GRIA3: variants seen among roughly 807,000 people sequenced by gnomAD.
The protein encoded by GRIA3 is glutamate receptor 3.
In GRIA3, 3 loss-of-function variants were observed where a neutral mutation model predicts 63.0. The ratio of observed to expected loss-of-function variants is 0.05; its 90% CI spans 0.02 to 0.12. GRIA3 has a LOEUF of 0.12. Ranked by LOEUF, GRIA3 falls within the 10% of genes least tolerant of loss-of-function variation. The pLI, the probability that GRIA3 is intolerant of heterozygous loss-of-function variation, is 1.00. For synonymous variants in GRIA3, 274 were observed against 257.9 expected (o/e 1.06, Z -0.60); for missense variants, 347 against 700.9 (o/e 0.50, Z 5.70).
intron 2 of GRIA3, among the ~76,000 whole-genome samples, chrX:123,247,152 G>A (rs1312317164): frequency 8.9e-6 from 1 of 111,925 alleles, no homozygotes; most frequent in Non-Finnish European, 1.9e-5. Context: ...TCGTCTTCCT[G>A]CTTGCTTTAA....
intron 13 of GRIA3, among the ~76,000 whole-genome samples, chrX:123,476,378 G>A (rs141298302): frequency 1.2e-4 from 13 of 111,502 alleles, no homozygotes; most frequent in African/African-American, 3.9e-4. Context: ...GTGTGTGTTG[G>A]GGAGAGGGTG....
intron 12 of GRIA3, among the ~76,000 whole-genome samples, chrX:123,430,434 G>A (rs1172340984): frequency 1.8e-5 from 2 of 111,449 alleles, no homozygotes; most frequent in Non-Finnish European, 3.8e-5. Flanking sequence ...AACTATAAAA[G>A]CAGCATAGAA....
chrX:123,222,515 T>C lies in GRIA3; in HGVS notation c.269-30788T>C, dbSNP rs184570493. On this transcript the variant is annotated intron_variant, in intron 2 of 15. Transcript: ENST00000620443. ...ATCTAATACCACCAACCAGAGGAAC[T>C]AGAAGAAAACATCTCAGCTTCACCA... is the stretch of plus-strand genomic sequence containing the variant. Among the ~76,000 whole-genome samples the C allele has an allele frequency of 2.5e-3, 276 of 112,302 alleles. 1 individual carries two copies. The highest frequency in any genetic ancestry group is 8.0e-3 in the African/African-American group (249 of 30,940).
chrX:123,203,513 GC>G (rs1927800842), intron 2 of GRIA3, among the ~76,000 whole-genome samples: 1 of 111,658 alleles, frequency 9.0e-6, no homozygotes, highest in Non-Finnish European at 1.9e-5. Flanking sequence ...GGGAGATCCT[GC>G]ATCTTTCCTT....
chrX:123,385,879 T>C (rs2045351652), intron 5 of GRIA3, among the ~76,000 whole-genome samples: 1 of 112,421 alleles, frequency 8.9e-6, no homozygotes, highest in Non-Finnish European at 1.9e-5. Flanking sequence ...TTGTTAATAG[T>C]GCTGCAATAT....
At chrX:123,247,400 C>T (rs750903722) in intron 2 of GRIA3, among the ~76,000 whole-genome samples, 1 of 111,525 alleles carries the variant, frequency 9.0e-6, no homozygotes, top group Non-Finnish European at 1.9e-5. Flanking sequence ...TAAATAAAAG[C>T]GTGACAGCTG....
At chrX:123,392,013 C>T (rs760967752) in intron 5 of GRIA3, among the ~76,000 whole-genome samples, 48 of 111,898 alleles carry the variant, frequency 4.3e-4, no homozygotes, top group Admixed American at 2.1e-3. Context: ...TGGTGGTGCA[C>T]GTGGGTGCTG....
Position 123,185,820 on chromosome X carries a change from CT to C in GRIA3, c.110-9del. 1 of 1,209,040 alleles carries C rather than the reference CT, an allele frequency of 8.3e-7. No homozygotes were observed. The highest frequency in any genetic ancestry group is 1.1e-6 in the Non-Finnish European group (1 of 893,414). On this transcript the variant is annotated splice_polypyrimidine_tract_variant and intron_variant, in intron 1 of 15. Transcript: ENST00000620443. ...GGAACACAAGCCAAATCTCCGTTCC[CT>C]TTGCTTATAGGTGGACTTTTCATGA... is the stretch of plus-strand genomic sequence containing the variant.
At chrX:123,405,330 T>A (rs1349032685) in intron 10 of GRIA3, among the ~76,000 whole-genome samples, 1 of 111,295 alleles carries the variant, frequency 9.0e-6, no homozygotes, top group African/African-American at 3.3e-5. Flanking sequence ...TACTTTTAAG[T>A]CTCTCAAATC....
intron 5 of GRIA3, among the ~76,000 whole-genome samples, chrX:123,384,827 C>G (rs892489826): frequency 9.0e-6 from 1 of 111,613 alleles, no homozygotes; most frequent in Non-Finnish European, 1.9e-5. Flanking sequence ...TGTCCTTTGT[C>G]AATTTTTCAA....
chrX:123,450,461 T>C lies in GRIA3; in HGVS notation c.2077-14404T>C, dbSNP rs898453709. On this transcript the variant is annotated intron_variant, in intron 12 of 15. Coordinates refer to ENST00000620443, the MANE Select transcript of GRIA3 (RefSeq NM_007325.5). ...ACAGGTTTTTGAAAGCCAGCACACC[T>C]GGATTTGAATACTAATTCTGTCCCC... 6.7e-4 allele frequency among the ~76,000 whole-genome samples: 75 copies of C among 112,657 alleles called. 1 individual carries two copies. Among genetic ancestry groups the C allele is most frequent in the Non-Finnish European group, 2.4e-4 (13 of 53,342 alleles).
chrX:123,256,755 T>C (rs1260456191), intron 3 of GRIA3, among the ~76,000 whole-genome samples: 9 of 111,976 alleles, frequency 8.0e-5, no homozygotes, highest in Non-Finnish European at 1.5e-4. Flanking sequence ...TCACATGATC[T>C]ACATTTCTGT....
intron 14 of GRIA3, among the ~76,000 whole-genome samples, chrX:123,482,114 C>A (rs1251515906): frequency 1.8e-5 from 2 of 111,880 alleles, no homozygotes; most frequent in Non-Finnish European, 3.8e-5. Flanking sequence ...TGCCCTTGTT[C>A]CAGCAACACA....
intron 12 of GRIA3, among the ~76,000 whole-genome samples, chrX:123,451,382 T>G (rs187098264): frequency 9.4e-6 from 1 of 106,489 alleles, no homozygotes; most frequent in East Asian, 3.0e-4. Flanking sequence ...GGCACATGCT[T>G]GTAGTACCAG....
rs186649627 is a variant in GRIA3, at chrX:123,230,016, A to G, written c.269-23287A>G. ...GGAAGTCAGCATGCTAAAACTTAGG[A>G]GTCTTTGCTAAATGCATGATTTGGG... On this transcript the variant is annotated intron_variant, in intron 2 of 15. Coordinates refer to ENST00000620443, the MANE Select transcript of GRIA3 (RefSeq NM_007325.5). Among the ~76,000 whole-genome samples the G allele has an allele frequency of 1.0e-3, 116 of 111,679 alleles. 1 individual carries two copies. Among genetic ancestry groups the G allele is most frequent in the Admixed American group, 3.0e-3 (32 of 10,549 alleles).
At position 123,404,558 on chromosome X, in the gene GRIA3, A is replaced by G. The variant is rs1245190128; in HGVS notation, c.1294-150A>G. The G allele has an allele frequency of 2.9e-5, 13 of 454,225 alleles. No individual in the cohort carries two copies. In the African/African-American group the frequency reaches 3.0e-4, roughly 10 times the overall value. 37.4% of individuals were successfully genotyped at this position (454,225 alleles called of 1,213,427 possible). A position where few individuals can be genotyped will look rare whatever the true frequency, so the allele number is the denominator to read the frequency against. ...AAAAAAGTGACCCAATGAATACTCAATTAAAGCTCTTCTGTTTACTAAGTA... is the reference window on the plus strand; with the variant it reads ...AAAAAAGTGACCCAATGAATACTCAGTTAAAGCTCTTCTGTTTACTAAGTA... On this transcript the variant is annotated intron_variant, in intron 9 of 15. Coordinates refer to ENST00000620443, the MANE Select transcript of GRIA3 (RefSeq NM_007325.5).
chrX:123,455,318 C>A (rs1189002353), intron 12 of GRIA3, among the ~76,000 whole-genome samples: 1 of 111,854 alleles, frequency 8.9e-6, no homozygotes, highest in Non-Finnish European at 1.9e-5. Context: ...AATGTGCAAA[C>A]CTAAGTGAAG....
chrX:123,300,792 G>A lies in GRIA3; in HGVS notation c.509-25234G>A, dbSNP rs6648506. On this transcript the variant is annotated intron_variant, in intron 3 of 15. Coordinates refer to ENST00000620443, the MANE Select transcript of GRIA3 (RefSeq NM_007325.5). ...TAATTTGAGATCTTTCTAACTTTTC[G>A]AGATGGGCATTTAGTGCTATAAATT... 1.7e-3 allele frequency among the ~76,000 whole-genome samples: 187 copies of A among 109,674 alleles called. 1 individual carries two copies. In the East Asian group the frequency reaches 0.046, roughly 27 times the overall value.
intron 3 of GRIA3, among the ~76,000 whole-genome samples, chrX:123,292,530 C>T (rs1007331899): frequency 9.1e-5 from 10 of 110,436 alleles, no homozygotes; most frequent in African/African-American, 3.3e-4. Context: ...AATGCAAAAT[C>T]ATTAAGAGCT....
Sources: gnomAD v4.1 joint callset for allele counts (sites outside exome capture counted in the v4.1 genomes callset) on GRCh38, gnomAD v4.1.1 for gene constraint, MANE v1.5 for transcripts, NCBI Gene and HGNC (gene_info 2026-07-23, HGNC 2026-07-21) for gene names.